SLC46A2: variants seen among roughly 807,000 people sequenced by gnomAD.
SLC46A2 encodes the protein thymic stromal co-transporter.
A neutral mutation model predicts 33.1 loss-of-function variants in SLC46A2; 25 were observed. The observed-to-expected ratio is 0.76, with a 90% CI of 0.55 to 1.06. The LOEUF (loss-of-function observed/expected upper bound fraction) is 1.06, where lower values mean the gene tolerates loss of function less well. Ranked by LOEUF, SLC46A2 falls within the 50% of genes least tolerant of loss-of-function variation. The probability of loss-of-function intolerance (pLI) is 0.00; values close to 1 mark genes in which losing one functional copy is unlikely to be tolerated. For synonymous variants in SLC46A2, 254 were observed against 275.9 expected, an observed-to-expected ratio of 0.92 and a Z score of 0.79; for missense variants, 622 against 621.7, an observed-to-expected ratio of 1.00 and a Z score of 0.00.
chr9:112,883,424 C>A (rs2131541521), intron 3 of SLC46A2, among the ~76,000 whole-genome samples: 1 of 152,108 alleles, frequency 6.6e-6, no homozygotes, highest in South Asian at 2.1e-4. Flanking sequence ...AGCTGTGTAC[C>A]CTTTGGCAAG....
chr9:112,884,948 GGA>G (rs1363566322), intron 3 of SLC46A2, among the ~76,000 whole-genome samples: 1 of 152,144 alleles, frequency 6.6e-6, no homozygotes, highest in Non-Finnish European at 1.5e-5. Flanking sequence ...GGACTCCTGA[GGA>G]GTGTGCACTG....
intron 1 of SLC46A2, among the ~76,000 whole-genome samples, chr9:112,888,873 G>GTTTTT (rs35381661): frequency 1.4e-5 from 2 of 139,666 alleles, no homozygotes; most frequent in Non-Finnish European, 3.1e-5. Flanking sequence ...ACTCCTCCAC[G>GTTTTT]TTTTTTTTTT....
intron 1 of SLC46A2, among the ~76,000 whole-genome samples, chr9:112,888,984 G>A (rs1841685800): frequency 1.3e-5 from 2 of 151,000 alleles, no homozygotes; most frequent in African/African-American, 4.9e-5. Flanking sequence ...GCTGCCTCTT[G>A]GGTTCAAGTG....
intron 1 of SLC46A2, among the ~76,000 whole-genome samples, chr9:112,888,550 C>A (rs1036118502): frequency 2.0e-5 from 3 of 152,192 alleles, no homozygotes; most frequent in African/African-American, 2.4e-5. Flanking sequence ...AAAATCTGTT[C>A]TTTAGTTGCG....
At chr9:112,887,455 C>T (rs779482359) in intron 1 of SLC46A2, 42 bp from the exon 2 acceptor site, 13 of 1,543,762 alleles carry the variant, frequency 8.4e-6, no homozygotes, top group East Asian at 2.3e-5. Context: ...TGTAGCCCAG[C>T]CTGGGCCAAG....
At position 112,886,834 on chromosome 9, in the gene SLC46A2, C is replaced by G. The variant is rs534672024; in HGVS notation, c.1214-218G>C. 2.3e-3 allele frequency among the ~76,000 whole-genome samples: 351 copies of G among 152,308 alleles called. 1 individual carries two copies. Among genetic ancestry groups the G allele is most frequent in the Non-Finnish European group, 3.7e-3 (255 of 68,020 alleles). ...TAAACTCCTGGGCTCAGGCAATCCT[C>G]CTGCCTCAGCCTCCCGAGTAGCTGG... is the stretch of plus-strand genomic sequence containing the variant. On this transcript the variant is annotated intron_variant, in intron 2 of 3. Coordinates refer to ENST00000374228, the MANE Select transcript of SLC46A2 (RefSeq NM_033051.4).
intron 2 of SLC46A2, 54 bp from the exon 3 acceptor site, chr9:112,886,670 C>G: frequency 6.3e-7 from 1 of 1,597,052 alleles, no homozygotes; most frequent in South Asian, 1.1e-5. Flanking sequence ...TGCCTCACTC[C>G]CCATTAGCTG....
chr9:112,886,824 A>G (rs1841648168), intron 2 of SLC46A2, among the ~76,000 whole-genome samples: 1 of 152,172 alleles, frequency 6.6e-6, no homozygotes, highest in African/African-American at 2.4e-5. Flanking sequence ...TCCTGGGCTC[A>G]GGCAATCCTC....
chr9:112,888,096 G>T (rs1841669153), intron 1 of SLC46A2, among the ~76,000 whole-genome samples: 1 of 152,128 alleles, frequency 6.6e-6, no homozygotes, highest in Non-Finnish European at 1.5e-5. Context: ...TGAACAACAT[G>T]GTGAAACCCT....
intron 3 of SLC46A2, chr9:112,885,018 G>A (rs192732895): frequency 1.3e-5 from 2 of 152,272 alleles, no homozygotes; most frequent in Admixed American, 1.3e-4. Flanking sequence ...AGGAACACAC[G>A]AAAAGTCCTT....
Position 112,890,684 on chromosome 9 carries a change from G to A in SLC46A2, c.-3C>T. 1 of 1,593,776 alleles carries A rather than the reference G, an allele frequency of 6.3e-7. No homozygotes were observed. Among genetic ancestry groups the A allele is most frequent in the Non-Finnish European group, 8.5e-7 (1 of 1,177,720 alleles). On this transcript the variant is annotated 5_prime_UTR_variant, in exon 1 of 4. Transcript: ENST00000374228. The surrounding 1 kb of genome is among the most constrained non-coding windows in gnomAD (Gnocchi z 6.0). ...GGGCAGGTGACCTCGGGGCTCATGT[G>A]ACCTCTCTGATGGGGATCGAAGGGC...
chr9:112,882,763 G>C (rs1841596868), intron 3 of SLC46A2, among the ~76,000 whole-genome samples: 1 of 152,168 alleles, frequency 6.6e-6, no homozygotes, highest in African/African-American at 2.4e-5. Context: ...AGATTGGAAA[G>C]ACAGGAGTGT....
At position 112,890,310 on chromosome 9, in the gene SLC46A2, C is replaced by T. The variant is rs752830729; in HGVS notation, c.372G>A (p.Leu124=). The change falls in exon 1 of 4, where the codon CTG becomes CTA. Residue 124 remains leucine (L), a synonymous_variant. Transcript: ENST00000374228. This position sits in a 1 kb window ranked among gnomAD's most constrained non-coding sequence, Gnocchi z 6.0. ...CTGGCCAGTCCAGCAGCACCTTGAGCAGCAGCCCGAGGCGGGAGAGCAGGA... is the reference window on the plus strand; with the variant it reads ...CTGGCCAGTCCAGCAGCACCTTGAGTAGCAGCCCGAGGCGGGAGAGCAGGA... ...LGFLLSRLGL[L]LKVLLDWPVE... The T allele has an allele frequency of 3.0e-5, 48 of 1,613,654 alleles. No homozygotes were observed. The highest frequency in any genetic ancestry group is 1.1e-4 in the East Asian group (5 of 44,892).
chr9:112,884,754 GC>G (rs1841623575), intron 3 of SLC46A2, among the ~76,000 whole-genome samples: 1 of 152,144 alleles, frequency 6.6e-6, no homozygotes, highest in Non-Finnish European at 1.5e-5. Flanking sequence ...TCTTCCCATT[GC>G]TTTCATTTGT....
rs1261804097 is a variant in SLC46A2 at position 112,880,891 on chromosome 9, G to T, written c.1371-1072C>A. Among the ~76,000 whole-genome samples, 3 of 152,114 alleles carry T rather than the reference G, an allele frequency of 2.0e-5. No individual in the cohort carries two copies. In the East Asian group the frequency reaches 5.8e-4, roughly 29 times the overall value. Reference sequence around the variant, plus strand: ...CTTACTCCAGGTTCATTCCAGTCTTGCAAGTACTGAACTTCTCCATTTCCC... The same window carrying T: ...CTTACTCCAGGTTCATTCCAGTCTTTCAAGTACTGAACTTCTCCATTTCCC... On this transcript the variant is annotated intron_variant, in intron 3 of 3. Transcript: ENST00000374228.
intron 3 of SLC46A2, among the ~76,000 whole-genome samples, chr9:112,884,390 C>T (rs76952839): frequency 0.012 from 1,901 of 152,322 alleles, 34 homozygotes; most frequent in African/African-American, 0.043. Flanking sequence ...GTTGCTCTCC[C>T]TGAAGATTGA....
Position 112,884,545 on chromosome 9 carries a change from C to G in SLC46A2, c.1370+1915G>C, listed in dbSNP as rs149744880. ...TTGTACATTTGAATCACCTGGAGAG[C>G]TTTTAAAATTTCCTATGCCCAGGCT... On this transcript the variant is annotated intron_variant, in intron 3 of 3. Coordinates refer to ENST00000374228, the MANE Select transcript of SLC46A2 (RefSeq NM_033051.4). Among the ~76,000 whole-genome samples the G allele has an allele frequency of 1.1e-3, 164 of 152,270 alleles. 1 individual carries two copies. The highest frequency in any genetic ancestry group is 3.4e-3 in the African/African-American group (143 of 41,568).
At chr9:112,880,462 A>G (rs1479352802) in intron 3 of SLC46A2, 1 of 154,056 alleles carries the variant, frequency 6.5e-6, no homozygotes, top group Non-Finnish European at 1.5e-5. Context: ...CAAGGAACCA[A>G]CTCAGCACAG....
In SLC46A2 at chr9:112,889,827, C is replaced by T; in HGVS notation, c.855G>A (p.Leu285=). 2 of 1,614,204 alleles carry T rather than the reference C, an allele frequency of 1.2e-6. No individual in the cohort carries two copies. The highest frequency in any genetic ancestry group is 1.7e-6 in the Non-Finnish European group (2 of 1,180,042). Residue 285 remains leucine, a synonymous_variant, in exon 1 of 4, where the codon TTG becomes TTA. Coordinates refer to ENST00000374228, the MANE Select transcript of SLC46A2 (RefSeq NM_033051.4). Reference sequence around the variant, plus strand: ...CATATATGATAGCACCCACAAAGAGCAAGGCAATGGTGGTTTTATGGGGTT... The same window carrying T: ...CATATATGATAGCACCCACAAAGAGTAAGGCAATGGTGGTTTTATGGGGTT... ...KAKPHKTTIA[L]LFVGAIIYDL... is the part of the protein sequence containing the mutation.
Sources: gnomAD v4.1 joint callset for allele counts (sites outside exome capture counted in the v4.1 genomes callset) on GRCh38, gnomAD v4.1.1 for gene constraint, Gnocchi (gnomAD v3.1) non-coding constraint, MANE v1.5 for transcripts, NCBI Gene and HGNC (gene_info 2026-07-23, HGNC 2026-07-21) for gene names.